Variants in RPS6KC1 observed in about 807,000 individuals in gnomAD.
The protein encoded by RPS6KC1 is ribosomal protein S6 kinase C1.
Under a neutral mutation model 103.8 loss-of-function variants are expected in RPS6KC1, and 54 were observed. The observed-to-expected ratio is 0.52, with a 90% CI of 0.42 to 0.65. RPS6KC1 has a LOEUF of 0.65. RPS6KC1 is among the 30% of genes least tolerant of loss of function. The pLI is 0.00. For missense variants in RPS6KC1, 1,151 were observed against 1,253.8 expected, an observed-to-expected ratio of 0.92 and a Z score of 1.24; for synonymous variants, 439 against 438.7, an observed-to-expected ratio of 1.00 and a Z score of -0.01.
At chr1:213,562,846 CAG>C in the RPS6KC1 span, among the ~76,000 whole-genome samples, 1 of 151,978 alleles carries the variant, frequency 6.6e-6, no homozygotes, top group Middle Eastern at 3.2e-3. Context: ...AAATATTTTG[CAG>C]AGTCAGGGCC....
the RPS6KC1 span, among the ~76,000 whole-genome samples, chr1:213,617,546 G>A: frequency 1.3e-5 from 2 of 152,214 alleles, no homozygotes; most frequent in African/African-American, 4.8e-5. Flanking sequence ...TTAAATATTG[G>A]AAGCTTATTA....
the RPS6KC1 span, among the ~76,000 whole-genome samples, chr1:213,287,830 A>C: frequency 6.6e-6 from 1 of 152,222 alleles, no homozygotes. Flanking sequence ...GGCTAGCACC[A>C]CTGGGGCTCT....
the RPS6KC1 span, chr1:213,818,984 G>A: frequency 9.2e-5 from 14 of 152,212 alleles, no homozygotes; most frequent in African/African-American, 3.4e-4. Context: ...GCCTGCGGTG[G>A]CTGGTGGCTT....
At chr1:213,327,040 C>CTTTTTTTTTTTTTTTTT in the RPS6KC1 span, among the ~76,000 whole-genome samples, 1 of 136,844 alleles carries the variant, frequency 7.3e-6, no homozygotes, top group Non-Finnish European at 1.6e-5. Context: ...TTTTCTTTTT[C>CTTTTTTTTTTTTTTTTT]TTTTTTTTTT....
At chr1:213,078,494 T>C (rs899748096) in intron 3 of RPS6KC1, among the ~76,000 whole-genome samples, 21 of 152,130 alleles carry the variant, frequency 1.4e-4, no homozygotes, top group Admixed American at 2.6e-4. Context: ...CTCCACCTCC[T>C]GGGTTCAAGT....
chr1:213,413,111 A>G, the RPS6KC1 span, among the ~76,000 whole-genome samples: 1 of 152,190 alleles, frequency 6.6e-6, no homozygotes, highest in Non-Finnish European at 1.5e-5. Context: ...GAGTATGTGT[A>G]TTAGTTATCT....
At chr1:213,125,978 G>A (rs1056129441) in intron 5 of RPS6KC1, 1 of 152,016 alleles carries the variant, frequency 6.6e-6, no homozygotes, top group Non-Finnish European at 1.5e-5. Context: ...ACATGAAACA[G>A]AACAATGTGA....
chr1:213,065,179 C>T (rs754273719), intron 1 of RPS6KC1, among the ~76,000 whole-genome samples: 2 of 142,268 alleles, frequency 1.4e-5, no homozygotes, highest in Non-Finnish European at 3.1e-5. Context: ...ATTTCACCAT[C>T]TTGGCCAGGC....
rs750385286 is a variant in RPS6KC1, at chr1:213,240,850, C to T, written c.1374C>T (p.Ser458=). The T allele has an allele frequency of 2.2e-5, 36 of 1,613,774 alleles. No homozygotes were observed. The highest frequency in any genetic ancestry group is 2.2e-5 in the Non-Finnish European group (26 of 1,179,908). ...SSPQDSSSFE[S]RGSDGGSMLK... Reference sequence around the variant, plus strand: ...CTCAGGACAGCAGTAGCTTTGAATCCAGAGGAAGTGATGGTGGAAGCATGC... The same window carrying T: ...CTCAGGACAGCAGTAGCTTTGAATCTAGAGGAAGTGATGGTGGAAGCATGC... Residue 458 remains serine (S), a synonymous_variant, in exon 11 of 15, where the codon TCC becomes TCT. Coordinates refer to ENST00000366960, the MANE Select transcript of RPS6KC1 (RefSeq NM_012424.6).
chr1:213,541,068 C>A, the RPS6KC1 span, among the ~76,000 whole-genome samples: 1 of 117,358 alleles, frequency 8.5e-6, no homozygotes, highest in Non-Finnish European at 1.9e-5. Context: ...AGTTTCGAAC[C>A]CTCAAAGTCA....
the RPS6KC1 span, among the ~76,000 whole-genome samples, chr1:213,749,335 G>T: frequency 6.6e-6 from 1 of 152,148 alleles, no homozygotes; most frequent in Non-Finnish European, 1.5e-5. Context: ...TACTGCAGCT[G>T]GGGCAGGAAG....
chr1:213,549,498 C>T, the RPS6KC1 span, among the ~76,000 whole-genome samples: 1 of 151,782 alleles, frequency 6.6e-6, no homozygotes, highest in African/African-American at 2.4e-5. Context: ...AAAGAAGGGC[C>T]AAAGAAAAAT....
At chr1:213,389,425 G>A in the RPS6KC1 span, among the ~76,000 whole-genome samples, 4 of 152,244 alleles carry the variant, frequency 2.6e-5, no homozygotes, top group South Asian at 2.1e-4. Flanking sequence ...ATGCTTGGGC[G>A]ACAGGGAAGC....
chr1:213,278,957 A>C (rs1215358953), downstream of RPS6KC1, among the ~76,000 whole-genome samples: 1 of 152,060 alleles, frequency 6.6e-6, no homozygotes, highest in Admixed American at 6.5e-5. Context: ...GTTGTGTATA[A>C]AGGCATGGAG....
chr1:213,720,775 A>G, the RPS6KC1 span, among the ~76,000 whole-genome samples: 1 of 152,196 alleles, frequency 6.6e-6, no homozygotes, highest in Admixed American at 6.5e-5. Flanking sequence ...TTACCCACAC[A>G]TCTTGTGTTT....
the RPS6KC1 span, among the ~76,000 whole-genome samples, chr1:213,420,158 G>A: frequency 6.6e-6 from 1 of 152,170 alleles, no homozygotes; most frequent in East Asian, 1.9e-4. Flanking sequence ...AGGATTGGAA[G>A]AGGAAATGTG....
At chr1:213,251,032 T>C (rs899614287) in intron 12 of RPS6KC1, among the ~76,000 whole-genome samples, 3 of 152,088 alleles carry the variant, frequency 2.0e-5, no homozygotes, top group Non-Finnish European at 4.4e-5. Context: ...ATTCCTTTAA[T>C]TGAACAGGGA....
intron 8 of RPS6KC1, among the ~76,000 whole-genome samples, chr1:213,200,695 A>G (rs899100108): frequency 1.3e-5 from 2 of 152,082 alleles, no homozygotes; most frequent in African/African-American, 4.8e-5. Flanking sequence ...ATCAACAAAC[A>G]GAATGGGAGA....
At chr1:213,373,950 G>T in the RPS6KC1 span, among the ~76,000 whole-genome samples, 28 of 152,094 alleles carry the variant, frequency 1.8e-4, no homozygotes, top group Non-Finnish European at 2.8e-4. Context: ...TCCTTTGAAG[G>T]CTCCTGCTTT....
Sources: allele counts gnomAD v4.1 joint callset (sites outside exome capture counted in the v4.1 genomes callset), GRCh38; gene constraint gnomAD v4.1.1; transcripts MANE v1.5; gene names NCBI Gene and HGNC (gene_info 2026-07-23, HGNC 2026-07-21).